LRRK1: variants seen among roughly 807,000 people sequenced by gnomAD.
LRRK1 encodes leucine-rich repeat serine/threonine-protein kinase 1.
In LRRK1, 113 loss-of-function variants were observed where a neutral mutation model predicts 209.1. The ratio of observed to expected loss-of-function variants is 0.54; its 90% CI spans 0.46 to 0.63. The LOEUF (loss-of-function observed/expected upper bound fraction) is 0.63, where lower values mean the gene tolerates loss of function less well. Among genes scored for constraint, LRRK1 ranks in the 30% least tolerant of loss-of-function variants. The pLI is 0.00. For synonymous variants in LRRK1, 1,144 were observed against 1,099.7 expected (o/e 1.04, Z -0.80); for missense variants, 2,284 against 2,632.2 (o/e 0.87, Z 2.89).
chr15:100,924,592 C>T lies in LRRK1; in HGVS notation c.-41C>T. On this transcript the variant is annotated 5_prime_UTR_variant, in exon 2 of 34. Transcript: ENST00000388948. Reference sequence around the variant, plus strand: ...CAGCCAGCGGCAGTGGCAGTGACAACAGCGGGACCTGCCTTTGAAGATCGG... The same window carrying T: ...CAGCCAGCGGCAGTGGCAGTGACAATAGCGGGACCTGCCTTTGAAGATCGG... The T allele has an allele frequency of 2.5e-6, 4 of 1,587,754 alleles. No individual in the cohort carries two copies. Among genetic ancestry groups the T allele is most frequent in the Non-Finnish European group, 3.5e-6 (4 of 1,156,754 alleles).
intron 9 of LRRK1, 145 bp downstream of exon 9, chr15:101,010,982 G>C (rs573949785): frequency 8.6e-6 from 6 of 695,730 alleles, no homozygotes; most frequent in African/African-American, 5.4e-5. Context: ...TGTAAGCATC[G>C]TCACTCAGCA....
chr15:100,926,421 G>A (rs2141592943), intron 2 of LRRK1, among the ~76,000 whole-genome samples: 1 of 152,146 alleles, frequency 6.6e-6, no homozygotes, highest in Non-Finnish European at 1.5e-5. Flanking sequence ...GGGCCTGTAG[G>A]GTAGGTGACT....
intron 33 of LRRK1, 72 bp downstream of exon 33, chr15:101,066,813 T>C: frequency 8.2e-7 from 1 of 1,216,516 alleles, no homozygotes; most frequent in South Asian, 1.2e-5. Context: ...AGCCAGGTCC[T>C]GCACAGTGGC....
intron 2 of LRRK1, among the ~76,000 whole-genome samples, chr15:100,950,899 C>T (rs11247243): frequency 9.9e-5 from 15 of 151,396 alleles, no homozygotes; most frequent in South Asian, 2.1e-4. Context: ...GTCAGGAGAT[C>T]GAGACCATCC....
At chr15:101,023,124 C>T (rs1372043279) in intron 15 of LRRK1, among the ~76,000 whole-genome samples, 1 of 152,128 alleles carries the variant, frequency 6.6e-6, no homozygotes, top group African/African-American at 2.4e-5. Context: ...CAGCATCTGC[C>T]CCCTGATGAG....
chr15:100,940,061 T>C (rs1391589010), intron 2 of LRRK1, among the ~76,000 whole-genome samples: 1 of 152,220 alleles, frequency 6.6e-6, no homozygotes, highest in African/African-American at 2.4e-5. Context: ...AGGGCCAGAT[T>C]GTCCATATCC....
chr15:101,072,125 T>A lies in LRRK1; in HGVS notation c.*3277T>A, dbSNP rs1225933612. 1.3e-5 allele frequency: 2 copies of A among 152,076 alleles called. No individual in the cohort carries two copies. The highest frequency in any genetic ancestry group is 1.3e-4 in the Admixed American group (2 of 15,284). 9.4% of individuals were successfully genotyped at this position (152,076 alleles called of 1,614,324 possible). A position where few individuals can be genotyped will look rare whatever the true frequency, so the allele number is the denominator to read the frequency against. On this transcript the variant is annotated 3_prime_UTR_variant, in exon 34 of 34. Coordinates refer to ENST00000388948, the MANE Select transcript of LRRK1 (RefSeq NM_024652.6). Reference sequence around the variant, plus strand: ...ACAACTCACTTTGCTGAATGGAGGGTGGATTAACGAGGGGGTAGTTGGAGG... The same window carrying A: ...ACAACTCACTTTGCTGAATGGAGGGAGGATTAACGAGGGGGTAGTTGGAGG...
At chr15:100,954,836 G>A (rs1158676275) in intron 2 of LRRK1, among the ~76,000 whole-genome samples, 1 of 152,082 alleles carries the variant, frequency 6.6e-6, no homozygotes, top group Non-Finnish European at 1.5e-5. Context: ...TCTCCATTCT[G>A]TTTCACTGGC....
chr15:101,013,199 G>A (rs182497429), intron 10 of LRRK1, among the ~76,000 whole-genome samples: 1 of 152,192 alleles, frequency 6.6e-6, no homozygotes. Context: ...CTGGCACATG[G>A]CAGGGTCTCC....
chr15:101,016,883 C>T (rs902450180), intron 12 of LRRK1, among the ~76,000 whole-genome samples: 3 of 152,214 alleles, frequency 2.0e-5, no homozygotes, highest in Admixed American at 6.5e-5. Context: ...CCCCAAAACT[C>T]AACAGAGACA....
At chr15:101,041,069 A>G (rs1797431413) in intron 20 of LRRK1, among the ~76,000 whole-genome samples, 1 of 152,206 alleles carries the variant, frequency 6.6e-6, no homozygotes, top group Non-Finnish European at 1.5e-5. Flanking sequence ...TATATTTTGA[A>G]GCCATTATTG....
At chr15:101,001,061 G>A (rs1334058443) in intron 6 of LRRK1, among the ~76,000 whole-genome samples, 1 of 152,142 alleles carries the variant, frequency 6.6e-6, no homozygotes, top group African/African-American at 2.4e-5. Context: ...TGAGAAGTAG[G>A]TGTTTAGAAA....
chr15:100,963,427 C>G lies in LRRK1; in HGVS notation c.98-10377C>G, dbSNP rs74040204. Among the ~76,000 whole-genome samples the G allele has an allele frequency of 3.1e-3, 470 of 152,330 alleles. 3 individuals carry two copies. The highest frequency in any genetic ancestry group is 0.011 in the African/African-American group (443 of 41,568). ...TGTGAACCTGTGTCACTGTCTTGGC[C>G]TTGTTCCTCTGTAAAATGGCAGCAG... On this transcript the variant is annotated intron_variant, in intron 2 of 33. Transcript: ENST00000388948.
At position 101,062,612 on chromosome 15, in the gene LRRK1, C is replaced by T. The variant is rs374002058; in HGVS notation, c.4836C>T (p.Cys1612=). 6.8e-6 allele frequency: 11 copies of T among 1,613,962 alleles called. No individual in the cohort carries two copies. The highest frequency in any genetic ancestry group is 2.7e-5 in the African/African-American group (2 of 74,934). ...KIYIYTLKGM[C]PLNTPQQALD... is the part of the protein sequence containing the mutation. ...ACATCTACACCCTCAAGGGCATGTG[C>T]CCCTTAAACACACCCCAACAGGCCT... Residue 1612 remains cysteine, a synonymous_variant, in exon 31 of 34, where the codon TGC becomes TGT. Coordinates refer to ENST00000388948, the MANE Select transcript of LRRK1 (RefSeq NM_024652.6).
At position 101,065,709 on chromosome 15, in the gene LRRK1, G is replaced by A; in HGVS notation, c.5272G>A (p.Ala1758Thr). 3 of 1,614,092 alleles carry A rather than the reference G, an allele frequency of 1.9e-6. No individual in the cohort carries two copies. The highest frequency in any genetic ancestry group is 4.5e-5 in the East Asian group (2 of 44,886). ...EEVVWCLDDK[A>T]NSLVMYHSTT... Reference sequence around the variant, plus strand: ...GGTCGTCTGGTGCCTGGATGACAAGGCCAACTCCTTGGTGATGTACCACTC... The same window carrying A: ...GGTCGTCTGGTGCCTGGATGACAAGACCAACTCCTTGGTGATGTACCACTC... The change falls in exon 32 of 34, where the codon GCC becomes ACC. Residue 1758 changes from alanine to threonine, a missense_variant. Physicochemically the swap from Ala to Thr is moderately conservative, Grantham distance 58. Around this residue, in one of 6 missense-constraint regions of LRRK1, gnomAD observed 643 missense variants for 695.9 expected, o/e 0.92. Transcript: ENST00000388948.
rs560375730 is a variant in LRRK1, at chr15:100,969,093, G to C, written c.98-4711G>C. ...AGGCTCAATGGATACACCCACCTTGGCCTTCCAAATTGCTGGGATTACAGG... is the reference window on the plus strand; with the variant it reads ...AGGCTCAATGGATACACCCACCTTGCCCTTCCAAATTGCTGGGATTACAGG... On this transcript the variant is annotated intron_variant, in intron 2 of 33. Coordinates refer to ENST00000388948, the MANE Select transcript of LRRK1 (RefSeq NM_024652.6). Among the ~76,000 whole-genome samples the C allele has an allele frequency of 3.3e-4, 51 of 152,250 alleles. 1 individual carries two copies. Among genetic ancestry groups the C allele is most frequent in the Admixed American group, 3.1e-3 (47 of 15,292 alleles).
intron 8 of LRRK1, 25 bp downstream of exon 8, chr15:101,010,602 G>A (rs2033183036): frequency 1.9e-6 from 3 of 1,603,876 alleles, no homozygotes; most frequent in Non-Finnish European, 2.5e-6. Context: ...CAACTTGAGT[G>A]AATTAGTCAT....
At position 101,070,422 on chromosome 15, in the gene LRRK1, G is replaced by A. The variant is rs2036757523; in HGVS notation, c.*1574G>A. Reference sequence around the variant, plus strand: ...ATTCTCTCACCCTCATCCCACAGCAGGGTCTCAGGAGTCCCACTCTCCCTC... The same window carrying A: ...ATTCTCTCACCCTCATCCCACAGCAAGGTCTCAGGAGTCCCACTCTCCCTC... On this transcript the variant is annotated 3_prime_UTR_variant, in exon 34 of 34. Coordinates refer to ENST00000388948, the MANE Select transcript of LRRK1 (RefSeq NM_024652.6). 6.6e-6 allele frequency: 1 copy of A among 150,742 alleles called. No individual in the cohort carries two copies. Among genetic ancestry groups the A allele is most frequent in the African/African-American group, 2.4e-5 (1 of 40,836 alleles). 9.3% of individuals were successfully genotyped at this position (150,742 alleles called of 1,614,324 possible). A position where few individuals can be genotyped will look rare whatever the true frequency, so the allele number is the denominator to read the frequency against.
At chr15:101,065,307 G>C (rs2036465703) in intron 31 of LRRK1, 45 bp from the exon 32 acceptor site, 2 of 1,587,914 alleles carry the variant, frequency 1.3e-6, no homozygotes, top group Non-Finnish European at 1.7e-6. Context: ...CTCTTGGAAT[G>C]TGTGAAATGG....
Sources: allele counts gnomAD v4.1 joint callset (sites outside exome capture counted in the v4.1 genomes callset), GRCh38; gene constraint gnomAD v4.1.1; regional missense constraint gnomAD v4.1.1; transcripts MANE v1.5; gene names NCBI Gene and HGNC (gene_info 2026-07-23, HGNC 2026-07-21).